Variants in KIAA1217 observed in about 807,000 individuals in gnomAD.
The protein encoded by KIAA1217 is sickle tail protein homolog.
KIAA1217 carries 88 observed loss-of-function variants against 163.9 expected under a neutral mutation model. That is an observed-to-expected ratio of 0.54 (90% confidence interval 0.45 to 0.64). The LOEUF (loss-of-function observed/expected upper bound fraction) is 0.64, where lower values mean the gene tolerates loss of function less well. KIAA1217 is among the 30% of genes least tolerant of loss of function. The probability of loss-of-function intolerance (pLI) is 0.00; values close to 1 mark genes in which losing one functional copy is unlikely to be tolerated. For missense variants in KIAA1217, 2,372 were observed against 2,475.0 expected, an observed-to-expected ratio of 0.96 and a Z score of 0.88; for synonymous variants, 903 against 923.1, an observed-to-expected ratio of 0.98 and a Z score of 0.39.
chr10:24,220,755 T>C (rs1477032261), intron 2 of KIAA1217, among the ~76,000 whole-genome samples: 1 of 54,704 alleles, frequency 1.8e-5, no homozygotes, highest in Non-Finnish European at 3.5e-5. Context: ...CACCCCGGCC[T>C]TTTTTTTTTT....
chr10:24,269,962 C>A (rs755144567), intron 2 of KIAA1217, among the ~76,000 whole-genome samples: 1 of 151,912 alleles, frequency 6.6e-6, no homozygotes, highest in Non-Finnish European at 1.5e-5. Context: ...CCATCATCTG[C>A]AGCAGGCCCA....
intron 12 of KIAA1217, among the ~76,000 whole-genome samples, chr10:24,522,858 C>G (rs961450172): frequency 6.6e-6 from 1 of 152,072 alleles, no homozygotes; most frequent in African/African-American, 2.4e-5. Context: ...GCCTGTAATC[C>G]CAGCTACTTG....
At chr10:24,509,809 A>G (rs531336243) in intron 9 of KIAA1217, among the ~76,000 whole-genome samples, 1 of 152,352 alleles carries the variant, frequency 6.6e-6, no homozygotes, top group Non-Finnish European at 1.5e-5. Context: ...TATTCTGACA[A>G]TAAAGTAAGT....
At chr10:23,766,902 A>T (rs886698413) in intron 1 of KIAA1217, among the ~76,000 whole-genome samples, 16 of 152,134 alleles carry the variant, frequency 1.1e-4, no homozygotes, top group African/African-American at 3.9e-4. Context: ...GGAACATGAC[A>T]TTCTTATTCT....
chr10:24,379,967 G>C (rs1014222898), intron 2 of KIAA1217, among the ~76,000 whole-genome samples: 1 of 152,254 alleles, frequency 6.6e-6, no homozygotes, highest in Non-Finnish European at 1.5e-5. Context: ...CAGGAGAATT[G>C]CTTGAACCCA....
rs527445555 is a variant in KIAA1217 at position 24,111,575 on chromosome 10, A to G, written c.-171+104201A>G. 1.8e-4 allele frequency among the ~76,000 whole-genome samples: 28 copies of G among 152,350 alleles called. No individual in the cohort carries two copies. In the South Asian group the frequency reaches 2.5e-3, roughly 14 times the overall value. ...GTTTTTTGATTTGTGAAATATAAAAAGTCCTCACTGTGGATAAGTGAAGCC... is the reference window on the plus strand; with the variant it reads ...GTTTTTTGATTTGTGAAATATAAAAGGTCCTCACTGTGGATAAGTGAAGCC... On this transcript the variant is annotated intron_variant, in intron 2 of 18. Coordinates refer to the KIAA1217 transcript ENST00000376462.
intron 1 of KIAA1217, among the ~76,000 whole-genome samples, chr10:23,977,578 C>T (rs1845592334): frequency 6.6e-6 from 1 of 152,128 alleles, no homozygotes; most frequent in Admixed American, 6.5e-5. Flanking sequence ...CCTAGGGTAT[C>T]CCAGCTTTCC....
chr10:24,010,125 G>C (rs1038586240), intron 2 of KIAA1217, among the ~76,000 whole-genome samples: 2 of 151,752 alleles, frequency 1.3e-5, no homozygotes, highest in Non-Finnish European at 2.9e-5. Context: ...TCATGTTCTA[G>C]CTTCCCATCC....
chr10:24,087,395 G>T (rs949976671), intron 2 of KIAA1217, among the ~76,000 whole-genome samples: 3 of 152,208 alleles, frequency 2.0e-5, no homozygotes, highest in African/African-American at 7.2e-5. Context: ...CATATGTACG[G>T]TGTCATTGGT....
intron 2 of KIAA1217, among the ~76,000 whole-genome samples, chr10:24,180,475 T>C (rs1196425285): frequency 6.6e-6 from 1 of 151,986 alleles, no homozygotes; most frequent in Non-Finnish European, 1.5e-5. Context: ...TTAATAGAGA[T>C]GTGGTTTCAC....
chr10:24,493,177 G>C (rs753971384), intron 6 of KIAA1217, among the ~76,000 whole-genome samples: 27 of 152,166 alleles, frequency 1.8e-4, no homozygotes, highest in Non-Finnish European at 2.9e-4. Context: ...CTGACAATCA[G>C]ATAAATTAGC....
intron 2 of KIAA1217, among the ~76,000 whole-genome samples, chr10:24,301,190 G>GC (rs924337928): frequency 1.3e-4 from 20 of 152,078 alleles, no homozygotes; most frequent in African/African-American, 3.9e-4. Flanking sequence ...GCAGATAAGT[G>GC]CCCCCCTGCT....
intron 2 of KIAA1217, among the ~76,000 whole-genome samples, chr10:24,044,793 C>T (rs773374576): frequency 4.6e-5 from 7 of 152,096 alleles, no homozygotes; most frequent in Non-Finnish European, 1.0e-4. Flanking sequence ...ATCATTTTCT[C>T]TTACAGTTTT....
chr10:24,538,483 G>T (rs997895768), intron 17 of KIAA1217, among the ~76,000 whole-genome samples: 2 of 149,124 alleles, frequency 1.3e-5, no homozygotes, highest in African/African-American at 2.5e-5. Context: ...TTCAAGACCA[G>T]CCTGGGCAAC....
At chr10:24,399,865 A>T (rs1203544299) in intron 3 of KIAA1217, among the ~76,000 whole-genome samples, 1 of 151,696 alleles carries the variant, frequency 6.6e-6, no homozygotes, top group East Asian at 1.9e-4. Flanking sequence ...ATAACAAAAA[A>T]ATAATAATAA....
chr10:23,697,716 A>G (rs943599447), intron 1 of KIAA1217, among the ~76,000 whole-genome samples: 13 of 110,170 alleles, frequency 1.2e-4, no homozygotes, highest in African/African-American at 3.6e-4. Context: ...TAAAAATACA[A>G]AAAAAAAAAA....
In KIAA1217 at chr10:23,780,668, T is replaced by C. The variant is rs61849178; in HGVS notation, c.-321+85434T>C. Among the ~76,000 whole-genome samples, 852 of 152,254 alleles carry C rather than the reference T, an allele frequency of 5.6e-3. 4 individuals carry two copies. Among genetic ancestry groups the C allele is most frequent in the Non-Finnish European group, 8.3e-3 (566 of 68,010 alleles). Reference sequence around the variant, plus strand: ...TAAATAATTTTCCATCCTATAGATATACCAGATTTTCTTTTTTGGGAGGGT... The same window carrying C: ...TAAATAATTTTCCATCCTATAGATACACCAGATTTTCTTTTTTGGGAGGGT... On this transcript the variant is annotated intron_variant, in intron 1 of 18. Coordinates refer to the KIAA1217 transcript ENST00000376462.
chr10:24,053,572 A>G (rs1252770051), intron 2 of KIAA1217, among the ~76,000 whole-genome samples: 1 of 152,022 alleles, frequency 6.6e-6, no homozygotes, highest in East Asian at 1.9e-4. Context: ...TACCCTGTTG[A>G]TTAGGTTGTT....
At position 24,426,671 on chromosome 10, in the gene KIAA1217, A is replaced by C. The variant is rs59042464; in HGVS notation, c.554-6324A>C. Among the ~76,000 whole-genome samples the C allele has an allele frequency of 3.9e-3, 599 of 152,284 alleles. 5 individuals carry two copies. The highest frequency in any genetic ancestry group is 0.013 in the African/African-American group (557 of 41,566). ...AGTCTCAACAAAATACAATATGAGC[A>C]CATCGGTGAGGTAAATTAATTCCTT... On this transcript the variant is annotated intron_variant, in intron 3 of 20. Coordinates refer to ENST00000376454, the MANE Select transcript of KIAA1217 (RefSeq NM_019590.5).
Sources: allele counts gnomAD v4.1 joint callset (sites outside exome capture counted in the v4.1 genomes callset), GRCh38; gene constraint gnomAD v4.1.1; transcripts MANE v1.5; gene names NCBI Gene and HGNC (gene_info 2026-07-23, HGNC 2026-07-21).